Variants in POLA2 observed in about 807,000 individuals in gnomAD.
The protein encoded by POLA2 is DNA polymerase alpha subunit B.
In POLA2, 47 loss-of-function variants were observed where a neutral mutation model predicts 82.8. The ratio of observed to expected loss-of-function variants is 0.57; its 90% CI spans 0.45 to 0.72. The LOEUF is 0.72. Ranked by LOEUF, POLA2 falls within the 30% of genes least tolerant of loss-of-function variation. The probability of loss-of-function intolerance (pLI) is 0.00; values close to 1 mark genes in which losing one functional copy is unlikely to be tolerated. For synonymous variants in POLA2, 287 were observed against 286.8 expected, an observed-to-expected ratio of 1.00 and a Z score of -0.01; for missense variants, 634 against 728.1, an observed-to-expected ratio of 0.87 and a Z score of 1.49.
At chr11:65,294,770 G>T in intron 15 of POLA2, 118 bp downstream of exon 15, 1 of 678,982 alleles carries the variant, frequency 1.5e-6, no homozygotes, top group South Asian at 1.9e-5. Flanking sequence ...GCTGAAAGCA[G>T]CAAGCTGTGC....
intron 10 of POLA2, among the ~76,000 whole-genome samples, chr11:65,286,426 C>T (rs1949697980): frequency 6.7e-6 from 1 of 150,044 alleles, no homozygotes; most frequent in Non-Finnish European, 1.5e-5. Flanking sequence ...TTTTTTGAGA[C>T]AGTCTCACTG....
At chr11:65,279,142 A>G (rs1205216168) in intron 6 of POLA2, among the ~76,000 whole-genome samples, 1 of 152,190 alleles carries the variant, frequency 6.6e-6, no homozygotes, top group Non-Finnish European at 1.5e-5. Context: ...GCACATAACC[A>G]TTCCCAGCAG....
In POLA2 at chr11:65,266,693, C is replaced by CT; in HGVS notation, c.195dup (p.Glu66Ter). The CT allele has an allele frequency of 1.2e-6, 2 of 1,614,156 alleles. No individual in the cohort carries two copies. The highest frequency in any genetic ancestry group is 1.7e-6 in the Non-Finnish European group (2 of 1,180,000). On this transcript the variant is annotated frameshift_variant, in exon 2 of 18. Transcript: ENST00000265465. LOFTEE classifies it high-confidence loss of function. ...GGCCTTACCTCAGAGATCCTGAACTCTTTTGAGCATGAGGTAAGAACAAAA... is the reference window on the plus strand; with the variant it reads ...GGCCTTACCTCAGAGATCCTGAACTCTTTTTGAGCATGAGGTAAGAACAAAA...
At chr11:65,285,239 A>G (rs1442876582) in intron 10 of POLA2, among the ~76,000 whole-genome samples, 1 of 152,132 alleles carries the variant, frequency 6.6e-6, no homozygotes, top group South Asian at 2.1e-4. Flanking sequence ...CCCCATCTCC[A>G]CTAAAAAATA....
At chr11:65,292,676 C>CT (rs1253216638) in intron 13 of POLA2, among the ~76,000 whole-genome samples, 1 of 152,206 alleles carries the variant, frequency 6.6e-6, no homozygotes, top group Non-Finnish European at 1.5e-5. Flanking sequence ...AATATGCAAA[C>CT]ACCTTTGGTC....
downstream of POLA2, chr11:65,298,757 C>T (rs780561318): frequency 6.6e-5 from 10 of 152,240 alleles, no homozygotes; most frequent in Non-Finnish European, 1.3e-4. Flanking sequence ...CTCATCCCTG[C>T]GTGGGGAGTG....
chr11:65,289,714 T>G (rs1445439576), intron 12 of POLA2, 85 bp from the exon 13 acceptor site: 1 of 851,036 alleles, frequency 1.2e-6, no homozygotes, highest in African/African-American at 1.7e-5. Flanking sequence ...AACAGCTGAC[T>G]TCTATGGGTC....
At chr11:65,274,608 A>C (rs1385722034) in intron 4 of POLA2, among the ~76,000 whole-genome samples, 1 of 151,168 alleles carries the variant, frequency 6.6e-6, no homozygotes, top group Non-Finnish European at 1.5e-5. Flanking sequence ...TGAACCCAGG[A>C]GGCAGAGGTT....
intron 10 of POLA2, among the ~76,000 whole-genome samples, chr11:65,286,999 C>A (rs1949704089): frequency 6.6e-6 from 1 of 152,148 alleles, no homozygotes; most frequent in South Asian, 2.1e-4. Flanking sequence ...TAGCTCTAAT[C>A]TTTTTTCTCT....
intron 13 of POLA2, among the ~76,000 whole-genome samples, chr11:65,293,575 C>T (rs893618950): frequency 6.7e-6 from 1 of 149,674 alleles, no homozygotes; most frequent in Non-Finnish European, 1.5e-5. Flanking sequence ...TGCCACTGCA[C>T]TCCGGCCTGG....
In POLA2 at chr11:65,294,087, C is replaced by T. The variant is rs186335546; in HGVS notation, c.1245-66C>T. 6.3e-5 allele frequency: 86 copies of T among 1,363,818 alleles called. No homozygotes were observed. The African/African-American group carries it at 1.1e-3, about 18-fold the overall frequency. 84.5% of individuals were successfully genotyped at this position (1,363,818 alleles called of 1,614,324 possible). ...CCAGCCTGAGGCATCCCACCTGTTGCGCAGCTGTTCTAACTCAACTGCACT... is the reference window on the plus strand; with the variant it reads ...CCAGCCTGAGGCATCCCACCTGTTGTGCAGCTGTTCTAACTCAACTGCACT... On this transcript the variant is annotated intron_variant, in intron 13 of 17. Coordinates refer to ENST00000265465, the MANE Select transcript of POLA2 (RefSeq NM_002689.4).
At chr11:65,267,948 C>A (rs1363350172) in intron 3 of POLA2, among the ~76,000 whole-genome samples, 1 of 151,876 alleles carries the variant, frequency 6.6e-6, no homozygotes, top group African/African-American at 2.4e-5. Context: ...CACACCACCA[C>A]ACCTGGATAA....
At chr11:65,278,269 G>A (rs537009296) in intron 5 of POLA2, among the ~76,000 whole-genome samples, 2 of 152,202 alleles carry the variant, frequency 1.3e-5, no homozygotes, top group East Asian at 1.9e-4. Flanking sequence ...TCATTTTATT[G>A]TTGTTTCTAC....
intron 15 of POLA2, 126 bp from the exon 16 acceptor site, chr11:65,295,414 T>G: frequency 1.3e-6 from 1 of 797,176 alleles, no homozygotes; most frequent in Non-Finnish European, 2.1e-6. Context: ...CCCAGAGGCA[T>G]CCTCCTCTTG....
intron 10 of POLA2, among the ~76,000 whole-genome samples, chr11:65,287,311 A>G (rs1049482744): frequency 2.0e-5 from 3 of 152,076 alleles, no homozygotes; most frequent in African/African-American, 4.8e-5. Flanking sequence ...CTCCAGCCAC[A>G]CTGGACGACC....
chr11:65,295,566 G>C lies in POLA2; in HGVS notation c.1487G>C (p.Ser496Thr). 1 of 1,613,990 alleles carries C rather than the reference G, an allele frequency of 6.2e-7. No homozygotes were observed. Among genetic ancestry groups the C allele is most frequent in the Non-Finnish European group, 8.5e-7 (1 of 1,179,988 alleles). Residue 496 changes from serine (S) to threonine (T), a missense_variant, in exon 16 of 18, where the codon AGC becomes ACC. Transcript: ENST00000265465. ...SSSSGTSDRF[S>T]RILKHILTQR... is the part of the protein sequence containing the mutation. ...TCTTCCGGAACTTCAGACAGATTCA[G>C]CCGAATACTCAAGCACATCTTGACC...
chr11:65,301,310 G>C (rs1206827285), downstream of POLA2, among the ~76,000 whole-genome samples: 7 of 152,110 alleles, frequency 4.6e-5, no homozygotes, highest in African/African-American at 1.4e-4. Context: ...AGAGAATCTT[G>C]GAAGGGTTTG....
chr11:65,305,759 C>T (rs573612660), downstream of POLA2, among the ~76,000 whole-genome samples: 25 of 152,246 alleles, frequency 1.6e-4, no homozygotes, highest in South Asian at 4.8e-3. Flanking sequence ...GAATGTATTC[C>T]GCAGCAGCGC....
chr11:65,292,880 G>A (rs116253574), intron 13 of POLA2, among the ~76,000 whole-genome samples: 3 of 152,206 alleles, frequency 2.0e-5, no homozygotes, highest in South Asian at 2.1e-4. Flanking sequence ...AAACATGCCC[G>A]CAAAGTAATA....
Sources: allele counts gnomAD v4.1 joint callset (sites outside exome capture counted in the v4.1 genomes callset), GRCh38; gene constraint gnomAD v4.1.1; transcripts MANE v1.5; gene names NCBI Gene and HGNC (gene_info 2026-07-23, HGNC 2026-07-21).